Variants in TSHZ3 observed in about 807,000 individuals in gnomAD.
The protein encoded by TSHZ3 is teashirt zinc finger homeobox 3.
Under a neutral mutation model 64.5 loss-of-function variants are expected in TSHZ3, and 10 were observed. The ratio of observed to expected loss-of-function variants is 0.16; its 90% CI spans 0.10 to 0.26. The LOEUF (loss-of-function observed/expected upper bound fraction) is 0.26, where lower values mean the gene tolerates loss of function less well. Among genes scored for constraint, TSHZ3 ranks in the 10% least tolerant of loss-of-function variants. TSHZ3 has a pLI of 1.00. For synonymous variants in TSHZ3, 608 were observed against 593.1 expected (o/e 1.03, Z -0.36); for missense variants, 1,242 against 1,421.7 (o/e 0.87, Z 2.03).
exon 7 of TSHZ3, among the ~76,000 whole-genome samples, chr19:31,150,064 G>A: frequency 6.6e-6 from 1 of 152,266 alleles, no homozygotes; most frequent in East Asian, 1.9e-4. Flanking sequence ...TGAATCATTC[G>A]CCGAGCACGG....
chr19:31,206,219 G>A (rs1975171095), intron 4 of TSHZ3, among the ~76,000 whole-genome samples: 2 of 151,946 alleles, frequency 1.3e-5, no homozygotes, highest in African/African-American at 4.8e-5. Flanking sequence ...ATAAATGGGT[G>A]GATGATTGGA....
intron 1 of TSHZ3, among the ~76,000 whole-genome samples, chr19:31,286,386 A>C (rs1288831660): frequency 6.6e-6 from 1 of 152,228 alleles, no homozygotes; most frequent in African/African-American, 2.4e-5. Flanking sequence ...AAAACAAAAA[A>C]ACACAAAGAC....
intron 1 of TSHZ3, among the ~76,000 whole-genome samples, chr19:31,243,461 G>T (rs1232189806): frequency 2.6e-5 from 4 of 152,156 alleles, no homozygotes; most frequent in Non-Finnish European, 5.9e-5. Flanking sequence ...TGTAGTCAGG[G>T]TCCCACTGTA....
At chr19:31,265,432 A>G (rs1976042549) in intron 1 of TSHZ3, among the ~76,000 whole-genome samples, 3 of 150,782 alleles carry the variant, frequency 2.0e-5, no homozygotes, top group Admixed American at 6.6e-5. Context: ...AAAGAAAGAA[A>G]GAAAAAGAAA....
At chr19:31,273,006 G>A (rs192600694), downstream of TSHZ3, among the ~76,000 whole-genome samples, 57 of 152,264 alleles carry the variant, frequency 3.7e-4, no homozygotes, top group African/African-American at 1.2e-3. Flanking sequence ...CGACAGACGC[G>A]GAGTGCGACT....
At chr19:31,199,967 T>C (rs895556941) in intron 5 of TSHZ3, among the ~76,000 whole-genome samples, 1 of 150,964 alleles carries the variant, frequency 6.6e-6, no homozygotes, top group Non-Finnish European at 1.5e-5. Flanking sequence ...TATAAAAAGG[T>C]GCTCTGTTCC....
At position 31,349,233 on chromosome 19, in the gene TSHZ3, C is replaced by G. The variant is rs1599666043; in HGVS notation, c.-14G>C. The stretch of plus-strand genomic sequence containing the variant: ...CCTCCTCGGCATGATGCTTCTCCGG[C>G]GACTGCCACTGCCGCCGCCGCCGCC... On this transcript the variant is annotated 5_prime_UTR_variant, in exon 1 of 2. Coordinates refer to ENST00000240587, the MANE Select transcript of TSHZ3 (RefSeq NM_020856.4). The G allele has an allele frequency of 6.5e-7, 1 of 1,534,636 alleles. No homozygotes were observed. Among genetic ancestry groups the G allele is most frequent in the African/African-American group, 1.4e-5 (1 of 71,044 alleles).
intron 1 of TSHZ3, among the ~76,000 whole-genome samples, chr19:31,340,340 A>AAAAAAAAAAAAC (rs1917392534): frequency 7.7e-6 from 1 of 129,148 alleles, no homozygotes; most frequent in African/African-American, 3.6e-5. Flanking sequence ...CTACAGTACA[A>AAAAAAAAAAAAC]AAAAAAAAAA....
intron 5 of TSHZ3, among the ~76,000 whole-genome samples, chr19:31,165,576 G>A (rs529346744): frequency 1.3e-5 from 2 of 152,198 alleles, no homozygotes; most frequent in East Asian, 1.9e-4. Context: ...GAGAAGACCC[G>A]AGTGCAGCTC....
At chr19:31,177,662 G>T (rs1316875874) in intron 5 of TSHZ3, among the ~76,000 whole-genome samples, 1 of 152,248 alleles carries the variant, frequency 6.6e-6, no homozygotes, top group Non-Finnish European at 1.5e-5. Context: ...GCTGTAAAAT[G>T]TAACAGTCAT....
At chr19:31,257,623 G>C (rs934468492) in intron 1 of TSHZ3, among the ~76,000 whole-genome samples, 1 of 151,530 alleles carries the variant, frequency 6.6e-6, no homozygotes, top group Admixed American at 6.6e-5. Context: ...CCCAGGACCT[G>C]CTAAGTCACT....
Position 31,277,620 on chromosome 19 carries a change from G to A in TSHZ3, c.2173C>T (p.Leu725=). The change falls in exon 2 of 2, where the codon CTG becomes TTG. Residue 725 remains leucine, a synonymous_variant. Coordinates refer to ENST00000240587, the MANE Select transcript of TSHZ3 (RefSeq NM_020856.4). The surrounding 1 kb of genome is among the most constrained non-coding windows in gnomAD (Gnocchi z 4.5). Reference sequence around the variant, plus strand: ...AGGTGAATGTTCATGACTGACTGCAGGGCGCTCAAAGGGTTAACAAAAGGC... The same window carrying A: ...AGGTGAATGTTCATGACTGACTGCAAGGCGCTCAAAGGGTTAACAAAAGGC... The part of the protein sequence containing the change: ...EQPFVNPLSA[L]QSVMNIHLGK... 1 of 1,575,008 alleles carries A rather than the reference G, an allele frequency of 6.3e-7. No individual in the cohort carries two copies. The highest frequency in any genetic ancestry group is 1.2e-5 in the South Asian group (1 of 84,490).
Position 31,277,440 on chromosome 19 carries a change from T to C in TSHZ3, c.2353A>G (p.Asn785Asp). The C allele has an allele frequency of 6.2e-7, 1 of 1,613,972 alleles. No homozygotes were observed. The highest frequency in any genetic ancestry group is 8.5e-7 in the Non-Finnish European group (1 of 1,179,970). ...DHLDRYFYHVNNDQPIDLTKG... is the reference protein window; with the variant it reads ...DHLDRYFYHVDNDQPIDLTKG... Reference sequence around the variant, plus strand: ...GTCAAGTCTATGGGCTGGTCGTTGTTGACGTGGTAGAAATAGCGGTCGAGG... The same window carrying C: ...GTCAAGTCTATGGGCTGGTCGTTGTCGACGTGGTAGAAATAGCGGTCGAGG... The change falls in exon 2 of 2, where the codon AAC becomes GAC. Residue 785 changes from asparagine to aspartate, a missense_variant. This residue lies in a region of TSHZ3 where 550 missense variants were observed against 545.1 expected (regional missense o/e 1.01). Coordinates refer to ENST00000240587, the MANE Select transcript of TSHZ3 (RefSeq NM_020856.4). The surrounding 1 kb of genome is among the most constrained non-coding windows in gnomAD (Gnocchi z 4.5).
intron 5 of TSHZ3, among the ~76,000 whole-genome samples, chr19:31,159,188 T>C (rs965571796): frequency 6.6e-6 from 1 of 151,976 alleles, no homozygotes; most frequent in Non-Finnish European, 1.5e-5. Context: ...CTTGTGGAGA[T>C]GGGGGTTTCA....
chr19:31,274,948 T>C lies in TSHZ3; in HGVS notation c.*1599A>G, dbSNP rs1164407578. ...TAATTGTGAACGCAACACAAAATTA[T>C]AGCAAAAAGACAATTTTAATGCTGC... On this transcript the variant is annotated 3_prime_UTR_variant, in exon 2 of 2. Transcript: ENST00000240587. 1 of 152,308 alleles carries C rather than the reference T, an allele frequency of 6.6e-6. No individual in the cohort carries two copies. The highest frequency in any genetic ancestry group is 2.4e-5 in the African/African-American group (1 of 41,326). 9.4% of individuals were successfully genotyped at this position (152,308 alleles called of 1,614,324 possible). A position where few individuals can be genotyped will look rare whatever the true frequency, so the allele number is the denominator to read the frequency against.
intron 6 of TSHZ3, among the ~76,000 whole-genome samples, chr19:31,156,252 G>A (rs186300280): frequency 2.0e-4 from 30 of 152,328 alleles, no homozygotes; most frequent in Non-Finnish European, 3.8e-4. Flanking sequence ...TGTCAGGCAC[G>A]TAATAGGTAT....
Position 31,244,780 on chromosome 19 carries a change from A to T in TSHZ3, n.64-1905T>A, listed in dbSNP as rs1429772893. On this transcript the variant is annotated intron_variant and non_coding_transcript_variant, in intron 1 of 6. Coordinates refer to the TSHZ3 transcript ENST00000651361. Reference sequence around the variant, plus strand: ...CACTTCAGCCTCCCAAGTAGCTGGGACTACAGGCACATGCCACCACACTTG... The same window carrying T: ...CACTTCAGCCTCCCAAGTAGCTGGGTCTACAGGCACATGCCACCACACTTG... Among the ~76,000 whole-genome samples the T allele has an allele frequency of 2.0e-5, 3 of 152,136 alleles. No individual in the cohort carries two copies. The East Asian group carries it at 5.8e-4, about 29-fold the overall frequency.
intron 4 of TSHZ3, among the ~76,000 whole-genome samples, chr19:31,223,141 T>C (rs1309293651): frequency 6.6e-6 from 1 of 152,172 alleles, no homozygotes. Context: ...CCTGTAGATT[T>C]TTCCTCTGCT....
intron 1 of TSHZ3, among the ~76,000 whole-genome samples, chr19:31,332,111 T>C (rs985539923): frequency 3.3e-5 from 5 of 152,204 alleles, no homozygotes; most frequent in Non-Finnish European, 2.9e-5. Context: ...CTTTTTCCTA[T>C]TACAGGCAAA....
Sources: gnomAD v4.1 joint callset for allele counts (sites outside exome capture counted in the v4.1 genomes callset) on GRCh38, gnomAD v4.1.1 for gene constraint, gnomAD v4.1.1 regional missense constraint, Gnocchi (gnomAD v3.1) non-coding constraint, MANE v1.5 for transcripts, NCBI Gene and HGNC (gene_info 2026-07-23, HGNC 2026-07-21) for gene names.